The following CNTN6 variants were observed in gnomAD, a reference collection of about 807,000 sequenced individuals.
CNTN6 encodes the protein contactin-6.
In CNTN6, 137 loss-of-function variants were observed where a neutral mutation model predicts 122.8. The observed-to-expected ratio is 1.12, with a 90% CI of 0.97 to 1.29. CNTN6 has a LOEUF of 1.29. Ranked by LOEUF, CNTN6 falls within the 50% of genes most tolerant of loss-of-function variation. CNTN6 has a pLI of 0.00. For synonymous variants in CNTN6, 570 were observed against 426.0 expected (o/e 1.34, Z -4.16); for missense variants, 1,634 against 1,223.4 (o/e 1.34, Z -5.01).
chr3:1,303,839 C>G (rs952231869), intron 7 of CNTN6, among the ~76,000 whole-genome samples: 1 of 152,074 alleles, frequency 6.6e-6, no homozygotes, highest in African/African-American at 2.4e-5. Flanking sequence ...ACTGTGAATC[C>G]TCGAGTTTTC....
chr3:1,109,566 A>G (rs2091381979), intron 1 of CNTN6, among the ~76,000 whole-genome samples: 1 of 152,050 alleles, frequency 6.6e-6, no homozygotes, highest in Non-Finnish European at 1.5e-5. Context: ...GGACTTTTTA[A>G]AAGATATAGT....
intron 2 of CNTN6, among the ~76,000 whole-genome samples, chr3:1,187,217 C>T (rs895792123): frequency 2.6e-5 from 4 of 152,252 alleles, no homozygotes; most frequent in African/African-American, 7.2e-5. Flanking sequence ...TCAAAAAAAA[C>T]TGCCTGATGC....
chr3:1,255,744 C>T (rs562214603), intron 4 of CNTN6, among the ~76,000 whole-genome samples: 1 of 152,256 alleles, frequency 6.6e-6, no homozygotes, highest in South Asian at 2.1e-4. Context: ...ACCATCACAA[C>T]CTACTGCAGC....
At chr3:1,377,512 TG>T (rs1343782248) in intron 17 of CNTN6, among the ~76,000 whole-genome samples, 5 of 152,168 alleles carry the variant, frequency 3.3e-5, no homozygotes, top group Non-Finnish European at 7.3e-5. Flanking sequence ...CTTAGGCACA[TG>T]GAGTAGATTT....
chr3:1,201,099 TTGTGTGTGTGTG>T (rs57028088), intron 2 of CNTN6, among the ~76,000 whole-genome samples: 1,543 of 130,046 alleles, frequency 0.012, 32 homozygotes, highest in Admixed American at 0.047. Flanking sequence ...AGCTAACATT[TTGTGTGTGTGTG>T]TGTGTGTGTG....
intron 11 of CNTN6, among the ~76,000 whole-genome samples, chr3:1,341,176 T>G (rs753880067): frequency 1.3e-5 from 2 of 149,116 alleles, no homozygotes; most frequent in Non-Finnish European, 3.0e-5. Context: ...TTTGGGAGCA[T>G]AGTTTGTTGG....
At chr3:1,248,618 G>A (rs1186175209) in intron 4 of CNTN6, among the ~76,000 whole-genome samples, 1 of 152,122 alleles carries the variant, frequency 6.6e-6, no homozygotes, top group Non-Finnish European at 1.5e-5. Flanking sequence ...TCAGGAGTTT[G>A]AGACTAGGTT....
At chr3:1,344,878 T>C (rs1704431229) in intron 11 of CNTN6, among the ~76,000 whole-genome samples, 2 of 152,180 alleles carry the variant, frequency 1.3e-5, no homozygotes, top group Non-Finnish European at 1.5e-5. Flanking sequence ...TGATCTACGT[T>C]ACTTGGTACA....
chr3:1,203,277 A>G (rs2093910546), intron 2 of CNTN6, among the ~76,000 whole-genome samples: 1 of 152,224 alleles, frequency 6.6e-6, no homozygotes, highest in Admixed American at 6.5e-5. Context: ...AGAGCTCACA[A>G]AGAACCAGGA....
At chr3:1,279,810 C>T (rs552934867) in intron 5 of CNTN6, among the ~76,000 whole-genome samples, 1 of 152,282 alleles carries the variant, frequency 6.6e-6, no homozygotes, top group South Asian at 2.1e-4. Flanking sequence ...TACACAACCT[C>T]ATGAATTGCC....
intron 2 of CNTN6, among the ~76,000 whole-genome samples, chr3:1,171,804 C>T (rs1054117389): frequency 1.3e-5 from 2 of 151,930 alleles, no homozygotes; most frequent in Non-Finnish European, 2.9e-5. Flanking sequence ...ACAGAGAGTC[C>T]CCATGTTGCC....
intron 4 of CNTN6, among the ~76,000 whole-genome samples, chr3:1,245,223 T>TATAACATATATATATATATATAA (rs1559595314): frequency 1.1e-4 from 2 of 18,804 alleles, no homozygotes; most frequent in Non-Finnish European, 9.0e-5. Flanking sequence ...TATATATATA[T>TATAACATATATATATATATATAA]ATATATATAT....
At chr3:1,120,149 G>A (rs535054193) in intron 1 of CNTN6, among the ~76,000 whole-genome samples, 1 of 151,286 alleles carries the variant, frequency 6.6e-6, no homozygotes, top group Admixed American at 6.6e-5. Context: ...TTTCAAGTTT[G>A]GGCTTATTAT....
intron 4 of CNTN6, among the ~76,000 whole-genome samples, chr3:1,271,017 A>C (rs972449610): frequency 6.6e-6 from 1 of 152,146 alleles, no homozygotes; most frequent in East Asian, 1.9e-4. Context: ...AGCTGGGACC[A>C]CAGGTACATG....
chr3:1,234,436 A>C (rs1300604605), intron 4 of CNTN6, among the ~76,000 whole-genome samples: 1 of 152,164 alleles, frequency 6.6e-6, no homozygotes, highest in Non-Finnish European at 1.5e-5. Context: ...AAATTTTAAG[A>C]GTTTCCAAAT....
chr3:1,174,036 T>G (rs1433714492), intron 2 of CNTN6, among the ~76,000 whole-genome samples: 1 of 152,220 alleles, frequency 6.6e-6, no homozygotes, highest in Non-Finnish European at 1.5e-5. Context: ...TAGAAAACTC[T>G]ACATTCATTG....
intron 1 of CNTN6, among the ~76,000 whole-genome samples, chr3:1,126,817 C>T (rs1046140874): frequency 7.2e-5 from 11 of 151,766 alleles, no homozygotes; most frequent in Non-Finnish European, 1.6e-4. Flanking sequence ...GTGATTCTTC[C>T]AACATCACCA....
At chr3:1,125,394 T>C (rs999548355) in intron 1 of CNTN6, among the ~76,000 whole-genome samples, 4 of 151,900 alleles carry the variant, frequency 2.6e-5, no homozygotes, top group Admixed American at 6.6e-5. Flanking sequence ...AGAAAGCAGT[T>C]CATTTTAGCC....
At chr3:1,288,630 A>C (rs1038652063) in intron 5 of CNTN6, among the ~76,000 whole-genome samples, 1 of 152,186 alleles carries the variant, frequency 6.6e-6, no homozygotes, top group Non-Finnish European at 1.5e-5. Context: ...ACATGCTATC[A>C]ATTTTGAGAT....
Sources: gnomAD v4.1 joint callset for allele counts (sites outside exome capture counted in the v4.1 genomes callset) on GRCh38, gnomAD v4.1.1 for gene constraint, MANE v1.5 for transcripts, NCBI Gene and HGNC (gene_info 2026-07-23, HGNC 2026-07-21) for gene names.